Variants in CSNK2A2IP observed in about 807,000 individuals in gnomAD.
The protein encoded by CSNK2A2IP is casein kinase II subunit alpha'-interacting protein.
At chr3:88,359,998 C>A in the CSNK2A2IP span, among the ~76,000 whole-genome samples, 13 of 152,216 alleles carry the variant, frequency 8.5e-5, no homozygotes, top group Non-Finnish European at 1.9e-4. Flanking sequence ...GGGTGAATCT[C>A]TCTATCTCCA....
the CSNK2A2IP span, among the ~76,000 whole-genome samples, chr3:88,418,100 T>C: frequency 6.8e-6 from 1 of 148,010 alleles, no homozygotes; most frequent in South Asian, 2.1e-4. Flanking sequence ...TTTATAGTTG[T>C]ACGTATAAGA....
At chr3:88,360,030 T>C in the CSNK2A2IP span, among the ~76,000 whole-genome samples, 194 of 152,324 alleles carry the variant, frequency 1.3e-3, 2 homozygotes, top group African/African-American at 4.3e-3. Context: ...TTTATACATC[T>C]GTGTGCTTCA....
chr3:88,400,999 T>C, the CSNK2A2IP span, among the ~76,000 whole-genome samples: 2 of 152,058 alleles, frequency 1.3e-5, no homozygotes, highest in African/African-American at 4.8e-5. Flanking sequence ...AGAAGATGAA[T>C]TAGTATAAAT....
chr3:88,449,817 CGA>C, the CSNK2A2IP span, among the ~76,000 whole-genome samples: 152 of 54,830 alleles, frequency 2.8e-3, no homozygotes, highest in African/African-American at 8.7e-3. Flanking sequence ...TTTTTTATAT[CGA>C]GACACACACA....
chr3:88,357,371 T>C, the CSNK2A2IP span, among the ~76,000 whole-genome samples: 1 of 152,162 alleles, frequency 6.6e-6, no homozygotes, highest in African/African-American at 2.4e-5. Context: ...TTGCTAAAAA[T>C]AAGTTGACTT....
At chr3:88,368,584 C>G in the CSNK2A2IP span, among the ~76,000 whole-genome samples, 1 of 151,910 alleles carries the variant, frequency 6.6e-6, no homozygotes, top group Admixed American at 6.6e-5. Flanking sequence ...ATTTCCTCCA[C>G]AAGAAACAAA....
the CSNK2A2IP span, among the ~76,000 whole-genome samples, chr3:88,426,883 G>A: frequency 2.5e-4 from 33 of 134,690 alleles, no homozygotes; most frequent in African/African-American, 8.1e-4. Context: ...TTGGTACCAC[G>A]GGGGATGGGG....
chr3:88,361,477 C>T, the CSNK2A2IP span, among the ~76,000 whole-genome samples: 1 of 152,146 alleles, frequency 6.6e-6, no homozygotes, highest in South Asian at 2.1e-4. Context: ...GAGAAGCCTG[C>T]TGCTAAACAT....
chr3:88,405,167 T>A, the CSNK2A2IP span, among the ~76,000 whole-genome samples: 1 of 152,176 alleles, frequency 6.6e-6, no homozygotes, highest in Non-Finnish European at 1.5e-5. Flanking sequence ...GAGTCCAATC[T>A]CTTTCCCGCA....
the CSNK2A2IP span, among the ~76,000 whole-genome samples, chr3:88,423,574 A>G: frequency 6.6e-6 from 1 of 152,128 alleles, no homozygotes; most frequent in South Asian, 2.1e-4. Flanking sequence ...AGCCCATTTC[A>G]TAGATGAGGA....
At chr3:88,349,542 G>A in the CSNK2A2IP span, among the ~76,000 whole-genome samples, 1 of 152,044 alleles carries the variant, frequency 6.6e-6, no homozygotes, top group African/African-American at 2.4e-5. Flanking sequence ...TGGTTGATGG[G>A]CATTTAGGTT....
chr3:88,423,646 C>T, the CSNK2A2IP span, among the ~76,000 whole-genome samples: 1 of 152,144 alleles, frequency 6.6e-6, no homozygotes, highest in Non-Finnish European at 1.5e-5. Flanking sequence ...GAGCAGAACA[C>T]GAGTCTGATC....
the CSNK2A2IP span, among the ~76,000 whole-genome samples, chr3:88,415,969 G>A: frequency 6.6e-6 from 1 of 151,802 alleles, no homozygotes; most frequent in South Asian, 2.1e-4. Context: ...TTCTCTAGAA[G>A]GCTTAAATGA....
chr3:88,381,279 G>A, the CSNK2A2IP span, among the ~76,000 whole-genome samples: 1 of 152,094 alleles, frequency 6.6e-6, no homozygotes, highest in Non-Finnish European at 1.5e-5. Context: ...CTTCTCAAAG[G>A]GCAGAGGACA....
At chr3:88,400,225 A>G in the CSNK2A2IP span, among the ~76,000 whole-genome samples, 2 of 152,146 alleles carry the variant, frequency 1.3e-5, no homozygotes, top group Non-Finnish European at 2.9e-5. Flanking sequence ...TTCATTCAGT[A>G]TTTAACAAAT....
At chr3:88,414,371 C>G in the CSNK2A2IP span, among the ~76,000 whole-genome samples, 2 of 145,026 alleles carry the variant, frequency 1.4e-5, no homozygotes, top group African/African-American at 2.6e-5. Flanking sequence ...TAACCTCCGC[C>G]TCCTGGGTTC....
At chr3:88,392,645 G>A in the CSNK2A2IP span, among the ~76,000 whole-genome samples, 639 of 152,268 alleles carry the variant, frequency 4.2e-3, 5 homozygotes, top group African/African-American at 0.014. Context: ...TTTGGAGTGG[G>A]TAAGACATTA....
chr3:88,439,740 CA>C, the CSNK2A2IP span, among the ~76,000 whole-genome samples: 1,028 of 119,894 alleles, frequency 8.6e-3, 9 homozygotes, highest in Admixed American at 0.024. Context: ...GACTCTGTCT[CA>C]AAAAAAAAAA....
chr3:88,466,149 C>G, the CSNK2A2IP span: 3 of 1,231,480 alleles, frequency 2.4e-6, no homozygotes, highest in Non-Finnish European at 3.0e-6. Flanking sequence ...CTTTCAAACC[C>G]AATCAAATTG....
Sources: allele counts gnomAD v4.1 joint callset (sites outside exome capture counted in the v4.1 genomes callset), GRCh38; gene constraint gnomAD v4.1.1; transcripts MANE v1.5; gene names NCBI Gene and HGNC (gene_info 2026-07-23, HGNC 2026-07-21).